Variants in ASCC3 observed in about 807,000 individuals in gnomAD.
The protein encoded by ASCC3 is ASC-1 complex subunit P200.
ASCC3 carries 158 observed loss-of-function variants against 256.3 expected under a neutral mutation model. The observed-to-expected ratio is 0.62, with a 90% CI of 0.54 to 0.70. The LOEUF (loss-of-function observed/expected upper bound fraction) is 0.70, where lower values mean the gene tolerates loss of function less well. ASCC3 is among the 30% of genes least tolerant of loss of function. ASCC3 has a pLI of 0.00. For synonymous variants in ASCC3, 948 were observed against 883.4 expected, an observed-to-expected ratio of 1.07 and a Z score of -1.30; for missense variants, 2,259 against 2,626.0, an observed-to-expected ratio of 0.86 and a Z score of 3.05.
chr6:100,599,104 C>T (rs1469989523), intron 34 of ASCC3, among the ~76,000 whole-genome samples: 17 of 152,116 alleles, frequency 1.1e-4, no homozygotes, highest in Admixed American at 1.1e-3. Flanking sequence ...TGGCAACATT[C>T]AGAAGGCTGG....
At chr6:100,600,429 G>A (rs1225776555) in intron 34 of ASCC3, among the ~76,000 whole-genome samples, 1 of 151,996 alleles carries the variant, frequency 6.6e-6, no homozygotes. Flanking sequence ...TGTTTACTGT[G>A]GTAAATGTGC....
At chr6:100,549,262 C>T (rs1321171646) in intron 36 of ASCC3, among the ~76,000 whole-genome samples, 2 of 151,932 alleles carry the variant, frequency 1.3e-5, no homozygotes, top group Non-Finnish European at 2.9e-5. Context: ...TTATTTGGAA[C>T]ATTCTGTTTA....
At chr6:100,862,031 G>A (rs1055335782) in intron 3 of ASCC3, among the ~76,000 whole-genome samples, 1 of 152,086 alleles carries the variant, frequency 6.6e-6, no homozygotes, top group Non-Finnish European at 1.5e-5. Flanking sequence ...GAAGAGGAAG[G>A]ACACTCTGTA....
intron 13 of ASCC3, among the ~76,000 whole-genome samples, chr6:100,707,046 A>G (rs1312222349): frequency 1.3e-5 from 2 of 152,120 alleles, no homozygotes; most frequent in Non-Finnish European, 2.9e-5. Context: ...TCATATTTCT[A>G]TCATCCTCAT....
intron 15 of ASCC3, 56 bp from the exon 16 acceptor site, chr6:100,662,086 A>T: frequency 6.6e-7 from 1 of 1,503,860 alleles, no homozygotes; most frequent in Non-Finnish European, 9.2e-7. Flanking sequence ...TATAATCCTG[A>T]TGAACTGAAT....
intron 37 of ASCC3, among the ~76,000 whole-genome samples, chr6:100,535,755 T>C (rs1482062658): frequency 6.6e-6 from 1 of 152,090 alleles, no homozygotes; most frequent in Admixed American, 6.6e-5. Flanking sequence ...GCATGAGCCA[T>C]GGCGCCCAGC....
In ASCC3 at chr6:100,510,115, C is replaced by T; in HGVS notation, c.6286-8G>A. ...ACAGCTCTCTGGCTTTCCCTGTAAA[C>T]CAGAAAAAAAGATACAACATTAAAA... is the stretch of plus-strand genomic sequence containing the variant. On this transcript the variant is annotated splice_region_variant and splice_polypyrimidine_tract_variant and intron_variant, in intron 40 of 41. Coordinates refer to ENST00000369162, the MANE Select transcript of ASCC3 (RefSeq NM_006828.4). 6.2e-7 allele frequency: 1 copy of T among 1,613,924 alleles called. No individual in the cohort carries two copies. Among genetic ancestry groups the T allele is most frequent in the Non-Finnish European group, 8.5e-7 (1 of 1,179,938 alleles).
chr6:100,704,140 T>A, intron 13 of ASCC3, among the ~76,000 whole-genome samples: 1 of 151,958 alleles, frequency 6.6e-6, no homozygotes, highest in Non-Finnish European at 1.5e-5. Context: ...AAGTAGACGT[T>A]TAGAAAATGA....
chr6:100,589,977 C>G lies in ASCC3; in HGVS notation c.5386G>C (p.Glu1796Gln), dbSNP rs984036501. The change falls in exon 35 of 42, where the codon GAA becomes CAA. Residue 1796 changes from glutamate (E) to glutamine (Q), a missense_variant. Transcript: ENST00000369162. ...CCAATTTCAATACAGTAGGAAAGTTCCAATTCAATCAGGGACTTCTCAATC... is the reference window on the plus strand; with the variant it reads ...CCAATTTCAATACAGTAGGAAAGTTGCAATTCAATCAGGGACTTCTCAATC... Reference protein sequence around the residue: ...HLIEKSLIELELSYCIEIGED... With the variant: ...HLIEKSLIELQLSYCIEIGED... 1.2e-6 allele frequency: 2 copies of G among 1,613,354 alleles called. No individual in the cohort carries two copies. The highest frequency in any genetic ancestry group is 3.3e-4 in the Middle Eastern group (2 of 6,056).
At chr6:100,827,817 C>G (rs1771396580) in intron 4 of ASCC3, among the ~76,000 whole-genome samples, 2 of 151,772 alleles carry the variant, frequency 1.3e-5, no homozygotes, top group Admixed American at 1.3e-4. Context: ...ACAATACAAA[C>G]CAGATTTTAT....
intron 36 of ASCC3, among the ~76,000 whole-genome samples, chr6:100,561,042 T>C (rs1769917471): frequency 6.6e-6 from 1 of 151,926 alleles, no homozygotes; most frequent in Non-Finnish European, 1.5e-5. Flanking sequence ...AACCAACCAC[T>C]TGTTTTATAA....
At chr6:100,852,143 GT>G (rs908791930) in intron 3 of ASCC3, among the ~76,000 whole-genome samples, 1 of 152,212 alleles carries the variant, frequency 6.6e-6, no homozygotes, top group Non-Finnish European at 1.5e-5. Context: ...CCCACTCAGT[GT>G]TTTTTGGGTG....
chr6:100,552,058 T>G (rs1582434735), intron 36 of ASCC3, among the ~76,000 whole-genome samples: 1 of 151,774 alleles, frequency 6.6e-6, no homozygotes, highest in African/African-American at 2.4e-5. Context: ...TATCTTAAAT[T>G]TGGGTTTGGT....
At chr6:100,547,374 G>T (rs577682078) in intron 36 of ASCC3, among the ~76,000 whole-genome samples, 1 of 151,886 alleles carries the variant, frequency 6.6e-6, no homozygotes, top group African/African-American at 2.4e-5. Flanking sequence ...ATGATCAGCT[G>T]AACATCATCA....
chr6:100,651,797 T>C (rs901391999), intron 18 of ASCC3, 151 bp from the exon 19 acceptor site: 18 of 295,484 alleles, frequency 6.1e-5, no homozygotes, highest in African/African-American at 8.9e-5. Flanking sequence ...AAGTCACTGC[T>C]TTATAAACAT....
At chr6:100,724,466 A>G (rs973210249) in intron 11 of ASCC3, among the ~76,000 whole-genome samples, 1 of 151,856 alleles carries the variant, frequency 6.6e-6, no homozygotes, top group Non-Finnish European at 1.5e-5. Flanking sequence ...TTTGGTAAAG[A>G]CAGAAGGGAC....
At chr6:100,660,381 T>C (rs1776134441) in intron 16 of ASCC3, among the ~76,000 whole-genome samples, 1 of 151,632 alleles carries the variant, frequency 6.6e-6, no homozygotes, top group Admixed American at 6.6e-5. Flanking sequence ...CTCAGTTCAC[T>C]GCCACTATCA....
At chr6:100,546,725 G>C (rs1775735769) in intron 36 of ASCC3, among the ~76,000 whole-genome samples, 1 of 152,086 alleles carries the variant, frequency 6.6e-6, no homozygotes, top group Non-Finnish European at 1.5e-5. Flanking sequence ...CTGAATTGCT[G>C]AAACTTTTTC....
chr6:100,573,601 A>T (rs1770705629), intron 36 of ASCC3, among the ~76,000 whole-genome samples: 1 of 152,160 alleles, frequency 6.6e-6, no homozygotes, highest in African/African-American at 2.4e-5. Flanking sequence ...AAATTTGGGG[A>T]AGAAATTTTA....
Sources: allele counts gnomAD v4.1 joint callset (sites outside exome capture counted in the v4.1 genomes callset), GRCh38; gene constraint gnomAD v4.1.1; transcripts MANE v1.5; gene names NCBI Gene and HGNC (gene_info 2026-07-23, HGNC 2026-07-21).